Variants in MALRD1 observed in about 807,000 individuals in gnomAD.
MALRD1 encodes the protein MAM and LDL-receptor class A domain-containing protein 1.
MALRD1 carries 247 observed loss-of-function variants against 242.1 expected under a neutral mutation model. The observed-to-expected ratio is 1.02, with a 90% CI of 0.92 to 1.13. The LOEUF (loss-of-function observed/expected upper bound fraction) is 1.13, where lower values mean the gene tolerates loss of function less well. Among genes scored for constraint, MALRD1 ranks in the 50% most tolerant of loss-of-function variants. The pLI, the probability that MALRD1 is intolerant of heterozygous loss-of-function variation, is 0.00. For missense variants in MALRD1, 2,989 were observed against 2,533.1 expected (o/e 1.18, Z -3.86); for synonymous variants, 995 against 866.6 (o/e 1.15, Z -2.60).
At chr10:19,638,457 G>C (rs1840244027) in intron 36 of MALRD1, among the ~76,000 whole-genome samples, 1 of 152,056 alleles carries the variant, frequency 6.6e-6, no homozygotes, top group African/African-American at 2.4e-5. Context: ...TTAGAAAAGA[G>C]ATTTTAGAAT....
At chr10:19,591,709 G>C (rs947226083) in intron 33 of MALRD1, among the ~76,000 whole-genome samples, 1 of 152,076 alleles carries the variant, frequency 6.6e-6, no homozygotes, top group Non-Finnish European at 1.5e-5. Context: ...TGTTGACCAG[G>C]CTGGTCTTGA....
At chr10:19,399,581 G>A (rs888618937) in intron 28 of MALRD1, among the ~76,000 whole-genome samples, 4 of 152,110 alleles carry the variant, frequency 2.6e-5, no homozygotes, top group African/African-American at 9.7e-5. Flanking sequence ...ACAGATTACA[G>A]AGTTGGAGTA....
intron 28 of MALRD1, among the ~76,000 whole-genome samples, chr10:19,442,525 G>T (rs978721290): frequency 2.6e-5 from 4 of 152,020 alleles, no homozygotes; most frequent in Admixed American, 1.3e-4. Flanking sequence ...GTTTTTAGCA[G>T]GAAGGGCTGT....
At chr10:19,401,692 C>T (rs537000671) in intron 28 of MALRD1, among the ~76,000 whole-genome samples, 8 of 152,068 alleles carry the variant, frequency 5.3e-5, no homozygotes, top group South Asian at 4.2e-4. Flanking sequence ...ATTTAATTCT[C>T]GTGGCTCAAG....
chr10:19,668,443 G>A (rs1203751597), intron 36 of MALRD1, among the ~76,000 whole-genome samples: 1 of 152,114 alleles, frequency 6.6e-6, no homozygotes, highest in Admixed American at 6.5e-5. Flanking sequence ...GACATCCAGT[G>A]ATCATTTTTT....
intron 26 of MALRD1, among the ~76,000 whole-genome samples, chr10:19,357,637 T>A (rs2131018531): frequency 6.6e-6 from 1 of 152,286 alleles, no homozygotes; most frequent in East Asian, 1.9e-4. Context: ...TGTGTGTGTA[T>A]CTTTAGAATG....
chr10:19,102,211 A>T (rs1457413719), intron 4 of MALRD1, among the ~76,000 whole-genome samples: 1 of 150,414 alleles, frequency 6.6e-6, no homozygotes, highest in Non-Finnish European at 1.5e-5. Context: ...TTGGTTTCAG[A>T]TCCTAGCTAT....
At chr10:19,276,395 G>A (rs1412289569) in intron 19 of MALRD1, among the ~76,000 whole-genome samples, 2 of 151,958 alleles carry the variant, frequency 1.3e-5, no homozygotes, top group African/African-American at 4.8e-5. Context: ...TTAAGACCTT[G>A]TATTTAAACA....
chr10:19,144,005 G>T (rs1833638355), intron 10 of MALRD1, among the ~76,000 whole-genome samples: 1 of 152,134 alleles, frequency 6.6e-6, no homozygotes, highest in South Asian at 2.1e-4. Context: ...ACACACCTAA[G>T]AAAAGAAAAA....
chr10:19,185,817 G>A (rs1365914140), intron 14 of MALRD1, among the ~76,000 whole-genome samples: 1 of 48,076 alleles, frequency 2.1e-5, no homozygotes, highest in Admixed American at 1.5e-4. Flanking sequence ...TTGAGATAGT[G>A]TGTGTGTGTG....
intron 2 of MALRD1, 41 bp downstream of exon 2, chr10:19,066,900 TC>T: frequency 8.2e-7 from 1 of 1,217,174 alleles, no homozygotes; most frequent in Non-Finnish European, 1.0e-6. Context: ...TCTCCCTTCC[TC>T]CTTTCCTTCC....
intron 12 of MALRD1, among the ~76,000 whole-genome samples, chr10:19,163,640 C>G (rs567199074): frequency 6.6e-6 from 1 of 152,098 alleles, no homozygotes; most frequent in Admixed American, 6.5e-5. Flanking sequence ...CACATGTACC[C>G]CTGAACCTAA....
rs897953290 is a variant in MALRD1, at chr10:19,204,914, C to T, written c.2227C>T (p.Leu743=). ...ILSFWFYNYG[L]SVGAAELQLH... is the part of the protein sequence containing the mutation. ...CTTTTTTAGGTTCTATAACTATGGC[C>T]TGTCAGTGGGAGCAGCTGAGCTGCA... The change falls in exon 17 of 40, where the codon CTG becomes TTG. Residue 743 remains leucine (L), a synonymous_variant. Transcript: ENST00000454679. 5.8e-6 allele frequency: 9 copies of T among 1,547,950 alleles called. No individual in the cohort carries two copies. Among genetic ancestry groups the T allele is most frequent in the Non-Finnish European group, 7.9e-6 (9 of 1,145,076 alleles).
intron 28 of MALRD1, among the ~76,000 whole-genome samples, chr10:19,394,448 T>C (rs180780181): frequency 1.3e-5 from 2 of 152,298 alleles, no homozygotes; most frequent in East Asian, 3.9e-4. Flanking sequence ...AAATATTTTG[T>C]TCAAGAGGCT....
chr10:19,163,136 CTAAAAAAA>C (rs1214159680), intron 12 of MALRD1, among the ~76,000 whole-genome samples: 6 of 36,918 alleles, frequency 1.6e-4, no homozygotes, highest in African/African-American at 7.1e-4. Context: ...GAAACCCTGT[CTAAAAAAA>C]AAAAAAAAAA....
chr10:19,145,158 C>T (rs190431975), intron 10 of MALRD1, among the ~76,000 whole-genome samples: 22 of 152,256 alleles, frequency 1.4e-4, no homozygotes, highest in African/African-American at 5.3e-4. Flanking sequence ...AAGCAGAAAT[C>T]AAGCTCTTAG....
chr10:19,423,997 T>A (rs140763538), intron 28 of MALRD1, among the ~76,000 whole-genome samples: 168 of 152,214 alleles, frequency 1.1e-3, no homozygotes, highest in African/African-American at 3.8e-3. Context: ...AATGCAACCT[T>A]AGAGATGGAC....
intron 18 of MALRD1, among the ~76,000 whole-genome samples, chr10:19,237,599 ATTAT>A (rs1838393139): frequency 1.8e-4 from 1 of 5,486 alleles, no homozygotes; most frequent in African/African-American, 1.6e-3. Flanking sequence ...TAATTATATA[ATTAT>A]AATTATAATT....
At chr10:19,477,708 A>T (rs1219016319) in intron 29 of MALRD1, among the ~76,000 whole-genome samples, 1 of 152,172 alleles carries the variant, frequency 6.6e-6, no homozygotes, top group African/African-American at 2.4e-5. Flanking sequence ...TTGTGATGAA[A>T]TGCACCAGAT....
Sources: allele counts gnomAD v4.1 joint callset (sites outside exome capture counted in the v4.1 genomes callset), GRCh38; gene constraint gnomAD v4.1.1; transcripts MANE v1.5; gene names NCBI Gene and HGNC (gene_info 2026-07-23, HGNC 2026-07-21).